The following CATSPER3 variants were observed in gnomAD, a reference collection of about 807,000 sequenced individuals.
The protein encoded by CATSPER3 is cation channel sperm associated 3.
In CATSPER3, 23 loss-of-function variants were observed where a neutral mutation model predicts 36.6. The observed-to-expected ratio is 0.63, with a 90% CI of 0.45 to 0.89. The LOEUF is 0.89. CATSPER3 is among the 40% of genes least tolerant of loss of function. The pLI is 0.00. For synonymous variants in CATSPER3, 172 were observed against 184.1 expected (o/e 0.93, Z 0.53); for missense variants, 474 against 503.9 (o/e 0.94, Z 0.57).
intron 2 of CATSPER3, among the ~76,000 whole-genome samples, chr5:134,978,786 C>T (rs1309930993): frequency 6.6e-6 from 1 of 150,776 alleles, no homozygotes; most frequent in African/African-American, 2.4e-5. Context: ...GTGGGGCCAT[C>T]TTGGCTCACT....
intron 2 of CATSPER3, among the ~76,000 whole-genome samples, chr5:134,990,577 G>A (rs1257558723): frequency 6.6e-6 from 1 of 152,096 alleles, no homozygotes; most frequent in African/African-American, 2.4e-5. Flanking sequence ...TAACATCAAA[G>A]ATCACTGATC....
At chr5:134,971,930 C>A (rs1030356525) in intron 2 of CATSPER3, among the ~76,000 whole-genome samples, 4 of 152,106 alleles carry the variant, frequency 2.6e-5, no homozygotes, top group Admixed American at 2.0e-4. Flanking sequence ...GAGGTTAGAA[C>A]CACACCATCT....
At chr5:134,971,205 T>TC (rs1751602141) in intron 2 of CATSPER3, among the ~76,000 whole-genome samples, 1 of 151,938 alleles carries the variant, frequency 6.6e-6, no homozygotes, top group African/African-American at 2.4e-5. Context: ...CTCCTCGGCC[T>TC]CCCAGAGTGC....
chr5:134,979,907 G>A (rs1751727524), intron 2 of CATSPER3, among the ~76,000 whole-genome samples: 2 of 150,468 alleles, frequency 1.3e-5, no homozygotes. Context: ...AAATCTAGGA[G>A]AACTTTTCTT....
chr5:134,999,041 T>C (rs1265924051), intron 3 of CATSPER3, among the ~76,000 whole-genome samples: 1 of 152,178 alleles, frequency 6.6e-6, no homozygotes, highest in Non-Finnish European at 1.5e-5. Flanking sequence ...GTTTTTATGG[T>C]TTTAGGTCTA....
chr5:134,979,150 T>C (rs1751717943), intron 2 of CATSPER3, among the ~76,000 whole-genome samples: 1 of 152,088 alleles, frequency 6.6e-6, no homozygotes, highest in Admixed American at 6.5e-5. Flanking sequence ...ATTTGTTTGT[T>C]TGTTGAGATG....
At chr5:134,984,460 A>G (rs1189738964) in intron 2 of CATSPER3, among the ~76,000 whole-genome samples, 1 of 152,236 alleles carries the variant, frequency 6.6e-6, no homozygotes, top group African/African-American at 2.4e-5. Context: ...GGCAAAGGCT[A>G]TAAATAGACT....
At position 135,011,539 on chromosome 5, in the gene CATSPER3, T is replaced by C. The variant is rs1437961480; in HGVS notation, c.1113T>C (p.Tyr371=). 6.2e-7 allele frequency: 1 copy of C among 1,604,424 alleles called. No homozygotes were observed. Among genetic ancestry groups the C allele is most frequent in the East Asian group, 2.2e-5 (1 of 44,698 alleles). ...TTTTCAGGCTTCAAGAGCTGTACTA[T>C]GAGATCGTGCATGTGCTGAGCCTAA... ...TTVHKLQELY[Y]EIVHVLSLML... The change falls in exon 8 of 8, where the codon TAT becomes TAC. Residue 371 remains tyrosine, a synonymous_variant. Transcript: ENST00000282611.
chr5:134,991,948 A>C (rs1751883790), intron 2 of CATSPER3, among the ~76,000 whole-genome samples: 1 of 152,012 alleles, frequency 6.6e-6, no homozygotes, highest in Non-Finnish European at 1.5e-5. Flanking sequence ...ACCTGATGGA[A>C]CCTTGTCTAC....
intron 1 of CATSPER3, chr5:134,969,190 G>T (rs956749655): frequency 2.0e-5 from 3 of 152,206 alleles, no homozygotes. Context: ...GACATGTTTA[G>T]TTGAAGTTAT....
intron 2 of CATSPER3, among the ~76,000 whole-genome samples, chr5:134,978,820 C>T (rs1164182644): frequency 5.3e-5 from 8 of 151,364 alleles, no homozygotes; most frequent in African/African-American, 1.7e-4. Flanking sequence ...ACCAGGTTCA[C>T]GCCATCCTCC....
chr5:134,982,208 G>A (rs954375018), intron 2 of CATSPER3, among the ~76,000 whole-genome samples: 1 of 152,154 alleles, frequency 6.6e-6, no homozygotes, highest in Non-Finnish European at 1.5e-5. Flanking sequence ...AGAACTGTGG[G>A]ACACCATAAA....
chr5:135,008,738 C>A (rs1048708399), intron 4 of CATSPER3, 103 bp from the exon 5 acceptor site: 5 of 980,184 alleles, frequency 5.1e-6, no homozygotes, highest in Non-Finnish European at 8.2e-6. Flanking sequence ...GGAAGCGGAG[C>A]CACCCTTCTC....
chr5:134,978,441 A>G (rs1018408711), intron 2 of CATSPER3, among the ~76,000 whole-genome samples: 12 of 152,210 alleles, frequency 7.9e-5, no homozygotes, highest in Non-Finnish European at 1.6e-4. Flanking sequence ...ATTATATGTC[A>G]ATTAAAAACA....
intron 2 of CATSPER3, among the ~76,000 whole-genome samples, chr5:134,986,424 G>A (rs1017606374): frequency 2.7e-5 from 4 of 148,190 alleles, no homozygotes; most frequent in African/African-American, 5.0e-5. Context: ...AATTACAGGC[G>A]TGAGTCACTG....
chr5:134,973,718 C>T (rs1469732556), intron 2 of CATSPER3, among the ~76,000 whole-genome samples: 3 of 152,064 alleles, frequency 2.0e-5, no homozygotes, highest in Non-Finnish European at 4.4e-5. Flanking sequence ...TGTATTGAAA[C>T]TCATTAAATA....
In CATSPER3 at chr5:134,996,485, G is replaced by A. The variant is rs764035582; in HGVS notation, c.465G>A (p.Lys155=). The change falls in exon 3 of 8, where the codon AAG becomes AAA. Residue 155 remains lysine, a synonymous_variant. Coordinates refer to ENST00000282611, the MANE Select transcript of CATSPER3 (RefSeq NM_178019.3). ...ADGMQSLRIL[K]LIGYSQGIRT... ...GCATGCAGTCCCTGCGCATCCTCAAGCTTATCGGCTATAGCCAGGGCATCC... is the reference window on the plus strand; with the variant it reads ...GCATGCAGTCCCTGCGCATCCTCAAACTTATCGGCTATAGCCAGGGCATCC... The A allele has an allele frequency of 4.4e-5, 71 of 1,614,194 alleles. No homozygotes were observed. Among genetic ancestry groups the A allele is most frequent in the African/African-American group, 5.3e-5 (4 of 75,064 alleles).
At chr5:134,977,725 G>A (rs1480676470) in intron 2 of CATSPER3, among the ~76,000 whole-genome samples, 1 of 152,024 alleles carries the variant, frequency 6.6e-6, no homozygotes, top group Non-Finnish European at 1.5e-5. Flanking sequence ...ATTAGTTTTT[G>A]TGTTGCTGTA....
intron 3 of CATSPER3, among the ~76,000 whole-genome samples, chr5:135,004,316 T>C (rs7710540): frequency 0.12 from 17,620 of 152,116 alleles, 3,281 homozygotes; most frequent in African/African-American, 0.4. Context: ...GAAATGCCCG[T>C]GTGGGGTGGG....
Sources: allele counts gnomAD v4.1 joint callset (sites outside exome capture counted in the v4.1 genomes callset), GRCh38; gene constraint gnomAD v4.1.1; transcripts MANE v1.5; gene names NCBI Gene and HGNC (gene_info 2026-07-23, HGNC 2026-07-21).